Variants in RHBDL3 observed in about 807,000 individuals in gnomAD.
RHBDL3 encodes the protein rhomboid like 3.
A neutral mutation model predicts 48.2 loss-of-function variants in RHBDL3; 28 were observed. The observed-to-expected ratio is 0.58, with a 90% confidence interval of 0.43 to 0.80. The LOEUF is 0.80. Ranked by LOEUF, RHBDL3 falls within the 30% of genes least tolerant of loss-of-function variation. RHBDL3 has a pLI of 0.00. For missense variants in RHBDL3, 464 were observed against 542.7 expected (o/e 0.85, Z 1.44); for synonymous variants, 208 against 232.3 (o/e 0.90, Z 0.95).
intron 6 of RHBDL3, among the ~76,000 whole-genome samples, chr17:32,304,836 G>T (rs987770292): frequency 5.3e-5 from 8 of 152,160 alleles, no homozygotes; most frequent in African/African-American, 1.9e-4. Flanking sequence ...ATGCACTGGA[G>T]GCAGGGCTCT....
At position 32,275,708 on chromosome 17, in the gene RHBDL3, C is replaced by T. The variant is rs370790658; in HGVS notation, c.135+7783C>T. On this transcript the variant is annotated intron_variant, in intron 2 of 8. Coordinates refer to ENST00000269051, the MANE Select transcript of RHBDL3 (RefSeq NM_138328.3). ...TGCCCCATCCTAGGATTCGGCTGTT[C>T]GACTTTGGGCAAGGGGGATGCTCAG... is the stretch of plus-strand genomic sequence containing the variant. Among the ~76,000 whole-genome samples, 52 of 152,266 alleles carry T rather than the reference C, an allele frequency of 3.4e-4. 1 individual carries two copies. The South Asian group carries it at 7.9e-3, about 23-fold the overall frequency.
At chr17:32,281,696 C>T (rs934542718) in intron 2 of RHBDL3, among the ~76,000 whole-genome samples, 1 of 152,230 alleles carries the variant, frequency 6.6e-6, no homozygotes, top group Non-Finnish European at 1.5e-5. Context: ...ATTCCCTCTC[C>T]AGGGTCCATT....
At chr17:32,295,020 T>G (rs1027313994) in intron 5 of RHBDL3, among the ~76,000 whole-genome samples, 1 of 152,170 alleles carries the variant, frequency 6.6e-6, no homozygotes, top group Non-Finnish European at 1.5e-5. Flanking sequence ...CCATATCCCT[T>G]GAAGAGCAGT....
chr17:32,320,387 T>C lies in RHBDL3; in HGVS notation c.944-571T>C, dbSNP rs185974807. 1.8e-4 allele frequency among the ~76,000 whole-genome samples: 28 copies of C among 152,306 alleles called. No individual in the cohort carries two copies. The Middle Eastern group carries it at 0.01, about 56-fold the overall frequency. On this transcript the variant is annotated intron_variant, in intron 8 of 8. Coordinates refer to ENST00000269051, the MANE Select transcript of RHBDL3 (RefSeq NM_138328.3). Reference sequence around the variant, plus strand: ...TGTCGCCCCAGCTGCAGCGCAGTAGTGCAATCTCAGCTCACTGCAACCTCC... The same window carrying C: ...TGTCGCCCCAGCTGCAGCGCAGTAGCGCAATCTCAGCTCACTGCAACCTCC...
chr17:32,278,426 A>C (rs1254885611), intron 2 of RHBDL3, among the ~76,000 whole-genome samples: 2 of 152,182 alleles, frequency 1.3e-5, no homozygotes, highest in Admixed American at 1.3e-4. Flanking sequence ...TTGACCGCGA[A>C]CTCACTCTCT....
intron 6 of RHBDL3, 79 bp from the exon 7 acceptor site, chr17:32,305,262 G>A (rs2040681195): frequency 2.2e-6 from 2 of 927,244 alleles, no homozygotes; most frequent in Non-Finnish European, 1.8e-6. Context: ...CACGGAGCCT[G>A]CAGAATCCAA....
In RHBDL3 at chr17:32,321,510, C is replaced by T. The variant is rs978467501; in HGVS notation, c.*281C>T. 17 of 698,056 alleles carry T rather than the reference C, an allele frequency of 2.4e-5. No homozygotes were observed. In the African/African-American group the frequency reaches 2.7e-4, roughly 11 times the overall value. The allele number at this position is 698,056 out of a possible 1,614,324, so 43.2% of individuals were successfully genotyped here. On this transcript the variant is annotated 3_prime_UTR_variant, in exon 9 of 9. Transcript: ENST00000269051. ...GGGTGGGGTGTGAGAGTGGCCCTCC[C>T]TCACCTGGGCTGGGCTTCTTCCATG...
chr17:32,274,358 C>T lies in RHBDL3; in HGVS notation c.135+6433C>T, dbSNP rs1348667864. Among the ~76,000 whole-genome samples the T allele has an allele frequency of 3.3e-5, 5 of 152,190 alleles. No homozygotes were observed. The East Asian group carries it at 7.7e-4, about 23-fold the overall frequency. On this transcript the variant is annotated intron_variant, in intron 2 of 8. Transcript: ENST00000269051. Reference sequence around the variant, plus strand: ...ATTGTCTTGTGCTAGAGAAACCAGTCCGTGTGTGGCTTAAGCTGTGAACAA... The same window carrying T: ...ATTGTCTTGTGCTAGAGAAACCAGTTCGTGTGTGGCTTAAGCTGTGAACAA...
chr17:32,279,826 G>A (rs544132044), intron 2 of RHBDL3, among the ~76,000 whole-genome samples: 1 of 152,278 alleles, frequency 6.6e-6, no homozygotes, highest in South Asian at 2.1e-4. Flanking sequence ...TGCGAGTGGA[G>A]CCTCTTTCTG....
chr17:32,277,615 C>A (rs2039946227), intron 2 of RHBDL3, among the ~76,000 whole-genome samples: 1 of 152,200 alleles, frequency 6.6e-6, no homozygotes, highest in Admixed American at 6.5e-5. Context: ...CCACAGACTT[C>A]TAGCATTGCT....
chr17:32,267,865 T>C (rs1163891000), intron 1 of RHBDL3, 37 bp from the exon 2 acceptor site: 2 of 1,613,894 alleles, frequency 1.2e-6, no homozygotes, highest in Middle Eastern at 1.7e-4. Context: ...CTTTCTCTCC[T>C]CTTCTTCCTC....
chr17:32,267,894 T>C lies in RHBDL3; in HGVS notation c.112-8T>C. 6.2e-7 allele frequency: 1 copy of C among 1,613,964 alleles called. No individual in the cohort carries two copies. The highest frequency in any genetic ancestry group is 8.5e-7 in the Non-Finnish European group (1 of 1,179,874). ...CTTCCTCTCCTGCATGGCCTCCCTC[T>C]CTGCCAGCACTGGAAAGTCCTGTTT... is the stretch of plus-strand genomic sequence containing the variant. On this transcript the variant is annotated splice_region_variant and splice_polypyrimidine_tract_variant and intron_variant, in intron 1 of 8. Coordinates refer to ENST00000269051, the MANE Select transcript of RHBDL3 (RefSeq NM_138328.3).
Position 32,321,132 on chromosome 17 carries a change from T to G in RHBDL3, c.1118T>G (p.Ile373Ser). 1 of 1,614,198 alleles carries G rather than the reference T, an allele frequency of 6.2e-7. No individual in the cohort carries two copies. ...CTCCAGGACCAGTCACTGTGGTGGA[T>G]TTTTGTGGCCATGTACACCGTCTTC... Reference protein sequence around the residue: ...QRLQDQSLWWIFVAMYTVFVL... With the variant: ...QRLQDQSLWWSFVAMYTVFVL... The change falls in exon 9 of 9, where the codon ATT becomes AGT. Residue 373 changes from isoleucine (I) to serine (S), a missense_variant. By Grantham distance (142) the Ile-to-Ser change is moderately radical (BLOSUM62 -2). Coordinates refer to ENST00000269051, the MANE Select transcript of RHBDL3 (RefSeq NM_138328.3).
At chr17:32,309,217 A>T (rs923469435) in intron 7 of RHBDL3, among the ~76,000 whole-genome samples, 2 of 147,280 alleles carry the variant, frequency 1.4e-5, no homozygotes, top group East Asian at 2.1e-4. Flanking sequence ...TGTGTGTGTG[A>T]GATACACAGT....
At chr17:32,288,667 A>G (rs2040252556) in intron 3 of RHBDL3, 125 bp from the exon 4 acceptor site, 1 of 663,220 alleles carries the variant, frequency 1.5e-6, no homozygotes, top group African/African-American at 1.8e-5. Flanking sequence ...CTTCTTATTA[A>G]CAATTATAGG....
rs202196467 is a variant in RHBDL3 at position 32,297,681 on chromosome 17, T to TTA, written c.669-411_669-410insTA. Among the ~76,000 whole-genome samples, 50 of 113,076 alleles carry TTA rather than the reference T, an allele frequency of 4.4e-4. 4 individuals are homozygous for TTA. Among genetic ancestry groups the TTA allele is most frequent in the African/African-American group, 1.5e-3 (47 of 30,638 alleles). 74.2% of individuals were successfully genotyped at this position (113,076 alleles called of 152,430 possible). ...TTTTTTTTTTTTTTTTTTTTTTTTT[T>TTA]CAGAGATGGTATCTCACTATGTTGC... On this transcript the variant is annotated intron_variant, in intron 5 of 8. Transcript: ENST00000269051.
intron 5 of RHBDL3, among the ~76,000 whole-genome samples, chr17:32,296,352 T>TTTTTTTTTG (rs940121432): frequency 6.9e-6 from 1 of 143,956 alleles, no homozygotes; most frequent in African/African-American, 2.6e-5. Context: ...TTTTTTTTTT[T>TTTTTTTTTG]TGAGATGGAG....
At chr17:32,319,279 G>A (rs561258118) in intron 8 of RHBDL3, among the ~76,000 whole-genome samples, 68 of 151,980 alleles carry the variant, frequency 4.5e-4, no homozygotes, top group Non-Finnish European at 6.9e-4. Flanking sequence ...AAAATTAGCC[G>A]GGTGTGGTGG....
At position 32,305,435 on chromosome 17, in the gene RHBDL3, T is replaced by G. The variant is rs775325414; in HGVS notation, c.876T>G (p.Ile292Met). 1.9e-6 allele frequency: 3 copies of G among 1,604,472 alleles called. No individual in the cohort carries two copies. The highest frequency in any genetic ancestry group is 2.6e-6 in the Non-Finnish European group (3 of 1,171,230). Residue 292 changes from isoleucine to methionine, a missense_variant, in exon 7 of 9, where the codon ATT becomes ATG. Ile to Met is a conservative substitution (Grantham distance 10). Transcript: ENST00000269051. The part of the protein sequence containing the change: ...YALVSAHLAN[I>M]VMNWSGMKCQ... ...TCGTCTCTGCCCATCTGGCCAACAT[T>G]GTCATGGTGAGCACCTCCCGTTCTC...
Sources: gnomAD v4.1 joint callset for allele counts (sites outside exome capture counted in the v4.1 genomes callset) on GRCh38, gnomAD v4.1.1 for gene constraint, MANE v1.5 for transcripts, NCBI Gene and HGNC (gene_info 2026-07-23, HGNC 2026-07-21) for gene names.